COL15A1: variants seen among roughly 807,000 people sequenced by gnomAD.
COL15A1 encodes the protein collagen type XV alpha 1 chain.
A neutral mutation model predicts 165.9 loss-of-function variants in COL15A1; 111 were observed. The observed-to-expected ratio is 0.67, with a 90% CI of 0.57 to 0.78. The LOEUF is 0.78. COL15A1 is among the 30% of genes least tolerant of loss of function. The pLI is 0.00. For missense variants in COL15A1, 1,745 were observed against 1,789.7 expected (o/e 0.98, Z 0.45); for synonymous variants, 659 against 674.8 (o/e 0.98, Z 0.36).
At chr9:99,023,229 G>A (rs577917112) in intron 13 of COL15A1, 128 bp from the exon 14 acceptor site, 11 of 1,182,864 alleles carry the variant, frequency 9.3e-6, no homozygotes, top group South Asian at 1.9e-5. Context: ...GAGAGAAAAC[G>A]GGGAGCAGAA....
At chr9:99,038,056 A>G (rs1358412705) in intron 21 of COL15A1, among the ~76,000 whole-genome samples, 1 of 152,164 alleles carries the variant, frequency 6.6e-6, no homozygotes, top group Non-Finnish European at 1.5e-5. Context: ...TCATGCTGGT[A>G]GACCACAGAA....
At chr9:98,956,864 T>G (rs1206089660) in intron 2 of COL15A1, among the ~76,000 whole-genome samples, 3 of 152,224 alleles carry the variant, frequency 2.0e-5, no homozygotes, top group Non-Finnish European at 4.4e-5. Context: ...AGGATAGCAT[T>G]TTAACAAGAT....
intron 6 of COL15A1, among the ~76,000 whole-genome samples, chr9:98,997,497 G>A (rs892654537): frequency 1.3e-5 from 2 of 152,198 alleles, no homozygotes; most frequent in Non-Finnish European, 2.9e-5. Context: ...AGTAGCACTA[G>A]CCACTATTTT....
At position 99,062,258 on chromosome 9, in the gene COL15A1, T is replaced by A; in HGVS notation, c.3545T>A (p.Ile1182Asn). 1 of 1,613,794 alleles carries A rather than the reference T, an allele frequency of 6.2e-7. No homozygotes were observed. The highest frequency in any genetic ancestry group is 8.5e-7 in the Non-Finnish European group (1 of 1,179,674). Residue 1182 changes from isoleucine (I) to asparagine (N), a missense_variant, in exon 38 of 42, where the codon ATC becomes AAC. Coordinates refer to ENST00000375001, the MANE Select transcript of COL15A1 (RefSeq NM_001855.5). ...GWKKLQLGEL[I>N]PIPADSPPPP... is the part of the protein sequence containing the mutation. ...TTTTTCTTAAAGCTGGGAGAACTGA[T>A]CCCCATTCCTGCCGACAGCCCTCCA...
chr9:99,001,592 T>G (rs2118942838), intron 7 of COL15A1, among the ~76,000 whole-genome samples: 1 of 152,226 alleles, frequency 6.6e-6, no homozygotes, highest in East Asian at 1.9e-4. Flanking sequence ...ACAAACACAG[T>G]TTCCCCCCTT....
At chr9:99,041,973 A>T in intron 23 of COL15A1, 72 bp from the exon 24 acceptor site, 1 of 1,026,144 alleles carries the variant, frequency 9.7e-7, no homozygotes. Context: ...GTTGAGAAAA[A>T]ATATATTTCT....
chr9:98,969,215 G>C (rs1349113101), intron 2 of COL15A1, among the ~76,000 whole-genome samples: 1 of 152,178 alleles, frequency 6.6e-6, no homozygotes. Context: ...TTATGGGAGA[G>C]AAAAGAAGGC....
Position 99,069,792 on chromosome 9 carries a change from C to T in COL15A1, c.4073C>T (p.Thr1358Met), listed in dbSNP as rs151022027. 2.2e-5 allele frequency: 36 copies of T among 1,614,196 alleles called. 1 individual carries two copies. In the African/African-American group the frequency reaches 2.5e-4, roughly 11 times the overall value. Residue 1358 changes from threonine to methionine, a missense_variant, in exon 42 of 42, where the codon ACG (threonine) becomes ATG (methionine). Physicochemically the swap from Thr to Met is moderately conservative, Grantham distance 81 (BLOSUM62 -1). Coordinates refer to ENST00000375001, the MANE Select transcript of COL15A1 (RefSeq NM_001855.5). ...ACGGGACTTGCCTCCCCGCTGAGCA[C>T]GGGGAAGATTCTGGACCAGAAAGCA... Reference protein sequence around the residue: ...AVTGLASPLSTGKILDQKAYS... With the variant: ...AVTGLASPLSMGKILDQKAYS...
chr9:99,013,708 C>T lies in COL15A1; in HGVS notation c.1354-1709C>T, dbSNP rs139087814. Among the ~76,000 whole-genome samples, 209 of 152,252 alleles carry T rather than the reference C, an allele frequency of 1.4e-3. 1 individual carries two copies. The highest frequency in any genetic ancestry group is 4.3e-3 in the African/African-American group (180 of 41,540). ...CAAAAGCCAAAGAGGTCAGGTCTTA[C>T]AATACAGGAGAGCAGAGCTTCAGAC... On this transcript the variant is annotated intron_variant, in intron 9 of 41. Coordinates refer to ENST00000375001, the MANE Select transcript of COL15A1 (RefSeq NM_001855.5).
intron 35 of COL15A1, among the ~76,000 whole-genome samples, chr9:99,058,105 T>C (rs1825753782): frequency 6.6e-6 from 1 of 152,200 alleles, no homozygotes; most frequent in African/African-American, 2.4e-5. Context: ...TGCATGCAGT[T>C]TCACGCTTCC....
intron 2 of COL15A1, among the ~76,000 whole-genome samples, chr9:98,970,520 C>A (rs2118835524): frequency 6.6e-6 from 1 of 152,354 alleles, no homozygotes; most frequent in Non-Finnish European, 1.5e-5. Context: ...TTTCTGTGGG[C>A]TCCTCTGTAA....
chr9:98,987,036 G>A (rs986797554), intron 3 of COL15A1, among the ~76,000 whole-genome samples: 6 of 152,130 alleles, frequency 3.9e-5, no homozygotes, highest in African/African-American at 1.2e-4. Flanking sequence ...GGCTGCTGTG[G>A]TGTGCACACT....
intron 31 of COL15A1, among the ~76,000 whole-genome samples, chr9:99,052,772 G>A (rs1281493012): frequency 6.6e-6 from 1 of 152,158 alleles, no homozygotes; most frequent in Non-Finnish European, 1.5e-5. Flanking sequence ...AGCCTGAGAA[G>A]CGCTGTTCCT....
chr9:99,042,116 G>A lies in COL15A1; in HGVS notation c.2574+9G>A, dbSNP rs1295543327. The A allele has an allele frequency of 6.2e-7, 1 of 1,602,630 alleles. No individual in the cohort carries two copies. The highest frequency in any genetic ancestry group is 8.5e-7 in the Non-Finnish European group (1 of 1,173,774). Reference sequence around the variant, plus strand: ...GACTAAAAGGAGAACAGGTAAGAGGGGCCCAGGTATCTGAGTGAGATTGGG... The same window carrying A: ...GACTAAAAGGAGAACAGGTAAGAGGAGCCCAGGTATCTGAGTGAGATTGGG... On this transcript the variant is annotated intron_variant, in intron 24 of 41. Coordinates refer to ENST00000375001, the MANE Select transcript of COL15A1 (RefSeq NM_001855.5).
intron 2 of COL15A1, among the ~76,000 whole-genome samples, chr9:98,971,732 G>A (rs1308978318): frequency 1.3e-5 from 2 of 152,376 alleles, no homozygotes; most frequent in East Asian, 1.9e-4. Context: ...GGACTGAGGG[G>A]TCCGCGTGTG....
intron 5 of COL15A1, among the ~76,000 whole-genome samples, chr9:98,992,663 A>G (rs954289758): frequency 6.6e-6 from 1 of 152,236 alleles, no homozygotes; most frequent in African/African-American, 2.4e-5. Context: ...AATTCTCGCT[A>G]TTGTATGCAT....
At chr9:99,026,283 C>T (rs184759041) in intron 16 of COL15A1, among the ~76,000 whole-genome samples, 5 of 152,264 alleles carry the variant, frequency 3.3e-5, no homozygotes, top group Admixed American at 2.6e-4. Flanking sequence ...TGGTCAGTGC[C>T]AAGATGGCCC....
chr9:99,054,038 A>G (rs1413130829), intron 31 of COL15A1, among the ~76,000 whole-genome samples: 1 of 152,226 alleles, frequency 6.6e-6, no homozygotes, highest in Non-Finnish European at 1.5e-5. Context: ...CTGCAGAAAC[A>G]GTGTTTCTCA....
chr9:99,050,517 T>C (rs556992337), intron 30 of COL15A1, among the ~76,000 whole-genome samples: 70 of 152,340 alleles, frequency 4.6e-4, no homozygotes, highest in Non-Finnish European at 9.0e-4. Flanking sequence ...CCCCCAGCCA[T>C]TGAGCAGCTC....
Sources: allele counts gnomAD v4.1 joint callset (sites outside exome capture counted in the v4.1 genomes callset), GRCh38; gene constraint gnomAD v4.1.1; transcripts MANE v1.5; gene names NCBI Gene and HGNC (gene_info 2026-07-23, HGNC 2026-07-21).